Variants in PTPRN2 observed in about 807,000 individuals in gnomAD.
PTPRN2 encodes the protein protein tyrosine phosphatase receptor type N2.
Under a neutral mutation model 118.8 loss-of-function variants are expected in PTPRN2, and 74 were observed. That is an observed-to-expected ratio of 0.62 (90% CI 0.52 to 0.76). PTPRN2 has a LOEUF of 0.76. Among genes scored for constraint, PTPRN2 ranks in the 30% least tolerant of loss-of-function variants. The pLI is 0.00. For missense variants in PTPRN2, 1,481 were observed against 1,394.4 expected (o/e 1.06, Z -0.99); for synonymous variants, 641 against 608.0 (o/e 1.05, Z -0.80).
At chr7:158,557,497 C>T (rs1002428477) in intron 1 of PTPRN2, among the ~76,000 whole-genome samples, 1 of 152,258 alleles carries the variant, frequency 6.6e-6, no homozygotes, top group Non-Finnish European at 1.5e-5. Context: ...CGCTTCTTGG[C>T]CCTGCAGGTA....
chr7:158,523,701 AGTC>A lies in PTPRN2; in HGVS notation c.113-33919_113-33917del, dbSNP rs1391724858. The stretch of plus-strand genomic sequence containing the variant: ...AGCGGAGTCGTCTGCCCTGGAGTGG[AGTC>A]GTCTGCCCTGGAGTGGAGTCTGCCC... On this transcript the variant is annotated intron_variant, in intron 1 of 22. Coordinates refer to ENST00000389418, the MANE Select transcript of PTPRN2 (RefSeq NM_002847.5). Among the ~76,000 whole-genome samples, 525 of 104,690 alleles carry A rather than the reference AGTC, an allele frequency of 5.0e-3. 1 individual carries two copies. The highest frequency in any genetic ancestry group is 6.2e-3 in the Middle Eastern group (1 of 162). 68.7% of individuals were successfully genotyped at this position (104,690 alleles called of 152,430 possible). A position where few individuals can be genotyped will look rare whatever the true frequency, so the allele number is the denominator to read the frequency against.
intron 13 of PTPRN2, among the ~76,000 whole-genome samples, chr7:157,658,358 G>A (rs895854653): frequency 6.6e-6 from 1 of 152,230 alleles, no homozygotes; most frequent in South Asian, 2.1e-4. Context: ...AGAAGGCACA[G>A]GGGAGGGAGA....
intron 11 of PTPRN2, among the ~76,000 whole-genome samples, chr7:158,049,952 T>C (rs1809202853): frequency 6.6e-6 from 1 of 152,148 alleles, no homozygotes; most frequent in Admixed American, 6.5e-5. Flanking sequence ...TTCTTATTTG[T>C]TGCAATGTAG....
At chr7:158,234,083 C>G (rs987908257) in intron 3 of PTPRN2, among the ~76,000 whole-genome samples, 10 of 151,864 alleles carry the variant, frequency 6.6e-5, no homozygotes, top group Non-Finnish European at 1.2e-4. Flanking sequence ...TTGGTAAGGC[C>G]TCAAAAGCAC....
At chr7:157,949,670 G>A (rs1800691170) in intron 11 of PTPRN2, among the ~76,000 whole-genome samples, 1 of 152,208 alleles carries the variant, frequency 6.6e-6, no homozygotes, top group African/African-American at 2.4e-5. Flanking sequence ...CATATTCCAA[G>A]ACCCTTAGGA....
intron 4 of PTPRN2, among the ~76,000 whole-genome samples, chr7:158,192,917 A>G (rs1345564029): frequency 6.6e-6 from 1 of 152,160 alleles, no homozygotes; most frequent in Admixed American, 6.5e-5. Context: ...GTTTGTGGGT[A>G]GACCAAGGAA....
intron 12 of PTPRN2, among the ~76,000 whole-genome samples, chr7:157,798,050 G>A (rs1804985199): frequency 6.6e-6 from 1 of 152,194 alleles, no homozygotes; most frequent in Non-Finnish European, 1.5e-5. Context: ...CCTGAGGTCA[G>A]GAGTTCGAGA....
chr7:158,126,051 G>T (rs1252077825), intron 9 of PTPRN2, among the ~76,000 whole-genome samples: 1 of 143,678 alleles, frequency 7.0e-6, no homozygotes, highest in African/African-American at 2.6e-5. Flanking sequence ...CGCCACACCA[G>T]CCCCCAGGAC....
At chr7:158,329,902 C>T (rs1381752814) in intron 2 of PTPRN2, among the ~76,000 whole-genome samples, 4 of 152,116 alleles carry the variant, frequency 2.6e-5, no homozygotes, top group Non-Finnish European at 5.9e-5. Context: ...ACCATAGCTA[C>T]ATGGAGTGAC....
intron 5 of PTPRN2, among the ~76,000 whole-genome samples, chr7:158,170,179 C>T (rs1020173279): frequency 3.9e-5 from 6 of 152,214 alleles, no homozygotes; most frequent in African/African-American, 1.4e-4. Flanking sequence ...AATGCCACCA[C>T]AACAAACAGC....
At chr7:157,930,276 G>A (rs1049620682) in intron 11 of PTPRN2, among the ~76,000 whole-genome samples, 2 of 152,160 alleles carry the variant, frequency 1.3e-5, no homozygotes, top group African/African-American at 2.4e-5. Flanking sequence ...AGCATACAGC[G>A]TGTTAAGTGA....
chr7:158,492,397 C>A (rs1286876853), intron 1 of PTPRN2, among the ~76,000 whole-genome samples: 1 of 152,224 alleles, frequency 6.6e-6, no homozygotes, highest in African/African-American at 2.4e-5. Flanking sequence ...AGGAGAGGCA[C>A]CGGGAAGAAA....
rs780334530 is a variant in PTPRN2, at chr7:157,595,302, G to A, written c.2432C>T (p.Pro811Leu). The A allele has an allele frequency of 4.3e-6, 7 of 1,614,196 alleles. No homozygotes were observed. Among genetic ancestry groups the A allele is most frequent in the East Asian group, 4.5e-5 (2 of 44,880 alleles). The change falls in exon 17 of 23, where the codon CCG becomes CTG. Residue 811 changes from proline (P) to leucine (L), a missense_variant. Pro to Leu is a moderately conservative substitution (Grantham distance 98). Transcript: ENST00000389418. ...GGTGGCGATGTACGCGGGGTTCCTCGGGTCGTGATCCATCTGCAGAGACAA... is the reference window on the plus strand; with the variant it reads ...GGTGGCGATGTACGCGGGGTTCCTCAGGTCGTGATCCATCTGCAGAGACAA... ...INASPIMDHD[P>L]RNPAYIATQG... is the part of the protein sequence containing the mutation.
intron 6 of PTPRN2, among the ~76,000 whole-genome samples, chr7:158,149,534 T>C (rs1410139504): frequency 6.6e-6 from 1 of 152,130 alleles, no homozygotes; most frequent in African/African-American, 2.4e-5. Flanking sequence ...CTGGGCGCAG[T>C]GGCTCATGCC....
chr7:158,446,726 A>C (rs1046434002), intron 2 of PTPRN2, among the ~76,000 whole-genome samples: 4 of 152,188 alleles, frequency 2.6e-5, no homozygotes, highest in African/African-American at 9.7e-5. Flanking sequence ...ATTTTTGGTG[A>C]GAATTCTCCA....
chr7:158,143,345 G>A (rs958508608), intron 6 of PTPRN2, among the ~76,000 whole-genome samples: 17 of 152,200 alleles, frequency 1.1e-4, no homozygotes, highest in Admixed American at 3.9e-4. Flanking sequence ...CGGAGCCTGC[G>A]GCAGGAACCG....
At chr7:157,927,406 G>C (rs373002922) in intron 11 of PTPRN2, among the ~76,000 whole-genome samples, 10 of 114,682 alleles carry the variant, frequency 8.7e-5, no homozygotes, top group Non-Finnish European at 1.6e-4. Flanking sequence ...CCAGGGACCC[G>C]TCTGAGAGCA....
chr7:158,282,285 G>A (rs1243746536), intron 3 of PTPRN2, among the ~76,000 whole-genome samples: 4 of 151,426 alleles, frequency 2.6e-5, no homozygotes, highest in African/African-American at 9.7e-5. Context: ...CGTCTGTCTT[G>A]GGAAAGTAGC....
At chr7:157,939,928 G>A (rs1020894372) in intron 11 of PTPRN2, among the ~76,000 whole-genome samples, 3 of 152,198 alleles carry the variant, frequency 2.0e-5, no homozygotes, top group Non-Finnish European at 2.9e-5. Context: ...AACTAAGCAG[G>A]TCCAGGAAGG....
Sources: gnomAD v4.1 joint callset for allele counts (sites outside exome capture counted in the v4.1 genomes callset) on GRCh38, gnomAD v4.1.1 for gene constraint, MANE v1.5 for transcripts, NCBI Gene and HGNC (gene_info 2026-07-23, HGNC 2026-07-21) for gene names.